Variants in SSBP2 observed in about 807,000 individuals in gnomAD.
SSBP2 encodes single stranded DNA binding protein 2, also known as single-stranded DNA-binding protein 2.
Under a neutral mutation model 61.8 loss-of-function variants are expected in SSBP2, and 17 were observed. That is an observed-to-expected ratio of 0.28 (90% CI 0.19 to 0.41). The LOEUF is 0.41. Among genes scored for constraint, SSBP2 ranks in the 10% least tolerant of loss-of-function variants. SSBP2 has a pLI of 1.00. For missense variants in SSBP2, 310 were observed against 458.7 expected, an observed-to-expected ratio of 0.68 and a Z score of 2.96; for synonymous variants, 139 against 141.3, an observed-to-expected ratio of 0.98 and a Z score of 0.12.
At chr5:81,718,604 A>T (rs1269557435) in intron 1 of SSBP2, among the ~76,000 whole-genome samples, 1 of 152,194 alleles carries the variant, frequency 6.6e-6, no homozygotes, top group Non-Finnish European at 1.5e-5. Flanking sequence ...TGAGGGCTTC[A>T]CCAGCTTCAC....
intron 1 of SSBP2, among the ~76,000 whole-genome samples, chr5:81,682,031 T>A (rs988813983): frequency 6.6e-6 from 1 of 152,214 alleles, no homozygotes; most frequent in Non-Finnish European, 1.5e-5. Context: ...ACCACCTGAA[T>A]AGGCCTATAC....
intron 1 of SSBP2, among the ~76,000 whole-genome samples, chr5:81,728,450 T>C (rs1561735454): frequency 6.6e-6 from 1 of 152,202 alleles, no homozygotes; most frequent in Admixed American, 6.5e-5. Flanking sequence ...TTGAAAACAT[T>C]GGTATAGAGA....
chr5:81,570,880 G>C (rs1193672398), intron 4 of SSBP2, among the ~76,000 whole-genome samples: 12 of 152,018 alleles, frequency 7.9e-5, no homozygotes, highest in Non-Finnish European at 1.5e-4. Context: ...GCAGTTCTTT[G>C]TAGCAAGTCC....
intron 4 of SSBP2, among the ~76,000 whole-genome samples, chr5:81,581,607 T>C (rs1171509470): frequency 6.6e-6 from 1 of 152,230 alleles, no homozygotes; most frequent in African/African-American, 2.4e-5. Flanking sequence ...TTGTAGCTCC[T>C]TATTGCCTAA....
chr5:81,727,886 A>G (rs1293863563), intron 1 of SSBP2, among the ~76,000 whole-genome samples: 4 of 152,182 alleles, frequency 2.6e-5, no homozygotes, highest in African/African-American at 9.7e-5. Context: ...AACAAGGTAC[A>G]GGGTGGAGAA....
At position 81,684,048 on chromosome 5, in the gene SSBP2, T is replaced by C. The variant is rs1383870963; in HGVS notation, c.63-33709A>G. 2.0e-5 allele frequency among the ~76,000 whole-genome samples: 3 copies of C among 152,214 alleles called. No individual in the cohort carries two copies. In the East Asian group the frequency reaches 5.8e-4, roughly 29 times the overall value. ...CTTTGGAGGACAATTTGGTAGCTTC[T>C]TACAAAGCTAAACACATTCTTAACA... On this transcript the variant is annotated intron_variant, in intron 1 of 16. Transcript: ENST00000320672.
At position 81,710,736 on chromosome 5, in the gene SSBP2, C is replaced by A. The variant is rs768616491; in HGVS notation, c.62+40245G>T. On this transcript the variant is annotated intron_variant, in intron 1 of 16. Transcript: ENST00000320672. Reference sequence around the variant, plus strand: ...GAGGGGATCACAAGCATCACCCTTACAAGAGTGAACTGGAATAAGGCACAG... The same window carrying A: ...GAGGGGATCACAAGCATCACCCTTAAAAGAGTGAACTGGAATAAGGCACAG... 49 of 452,212 alleles carry A rather than the reference C, an allele frequency of 1.1e-4. 2 individuals carry two copies. The highest frequency in any genetic ancestry group is 7.5e-4 in the South Asian group (48 of 63,668). 28.0% of individuals were successfully genotyped at this position (452,212 alleles called of 1,614,324 possible).
intron 2 of SSBP2, among the ~76,000 whole-genome samples, chr5:81,640,574 T>C (rs1748694114): frequency 6.6e-6 from 1 of 152,160 alleles, no homozygotes; most frequent in Non-Finnish European, 1.5e-5. Flanking sequence ...CGACATTTTA[T>C]ATTATCTTGG....
At chr5:81,439,551 C>T (rs1002796156) in intron 14 of SSBP2, among the ~76,000 whole-genome samples, 5 of 150,244 alleles carry the variant, frequency 3.3e-5, no homozygotes, top group African/African-American at 9.8e-5. Flanking sequence ...ACCCAGGCTG[C>T]AGTGCAATGG....
At chr5:81,591,810 C>G (rs1561576718) in intron 4 of SSBP2, among the ~76,000 whole-genome samples, 1 of 152,048 alleles carries the variant, frequency 6.6e-6, no homozygotes, top group South Asian at 2.1e-4. Context: ...AGCAAACAGC[C>G]TAACATAATA....
intron 1 of SSBP2, among the ~76,000 whole-genome samples, chr5:81,722,738 G>A (rs1278434105): frequency 2.0e-5 from 3 of 151,710 alleles, no homozygotes; most frequent in Non-Finnish European, 2.9e-5. Context: ...GTAAATGAAG[G>A]GCCTGGCATA....
chr5:81,615,295 C>T (rs1353638932), intron 4 of SSBP2, 178 bp downstream of exon 4: 13 of 606,250 alleles, frequency 2.1e-5, no homozygotes, highest in Non-Finnish European at 2.9e-5. Flanking sequence ...TTTAACAAGA[C>T]TCAAATGCCC....
At chr5:81,746,647 CAT>C (rs1757366550) in intron 1 of SSBP2, among the ~76,000 whole-genome samples, 2 of 152,010 alleles carry the variant, frequency 1.3e-5, no homozygotes, top group African/African-American at 4.8e-5. Context: ...TTGAAATAAG[CAT>C]ATGGTATTTG....
intron 4 of SSBP2, among the ~76,000 whole-genome samples, chr5:81,594,154 A>G (rs1454250327): frequency 6.6e-6 from 1 of 152,226 alleles, no homozygotes; most frequent in African/African-American, 2.4e-5. Context: ...AAGATCTACC[A>G]AGCAAATGGA....
intron 4 of SSBP2, among the ~76,000 whole-genome samples, chr5:81,598,298 C>T (rs1159955805): frequency 6.6e-6 from 1 of 152,014 alleles, no homozygotes; most frequent in East Asian, 1.9e-4. Flanking sequence ...ATTTGCCATA[C>T]AGAACACAAT....
At chr5:81,597,324 C>T (rs1438295007) in intron 4 of SSBP2, among the ~76,000 whole-genome samples, 3 of 152,118 alleles carry the variant, frequency 2.0e-5, no homozygotes, top group Non-Finnish European at 4.4e-5. Flanking sequence ...CATCTCACAC[C>T]AGTTAGAATG....
chr5:81,563,199 T>A (rs550108310), intron 4 of SSBP2, among the ~76,000 whole-genome samples: 1 of 152,190 alleles, frequency 6.6e-6, no homozygotes, highest in South Asian at 2.1e-4. Flanking sequence ...GAATAGAGAA[T>A]CCACACATAT....
intron 4 of SSBP2, among the ~76,000 whole-genome samples, chr5:81,600,226 A>C (rs190958775): frequency 2.6e-5 from 4 of 152,290 alleles, no homozygotes; most frequent in African/African-American, 7.2e-5. Context: ...AATGCATACA[A>C]CACCTAAAGC....
intron 2 of SSBP2, among the ~76,000 whole-genome samples, chr5:81,639,928 TAA>T (rs1461210335): frequency 3.3e-5 from 5 of 152,206 alleles, no homozygotes; most frequent in African/African-American, 7.2e-5. Flanking sequence ...TGAAAAAAGT[TAA>T]GTGTCATTAA....
Sources: allele counts gnomAD v4.1 joint callset (sites outside exome capture counted in the v4.1 genomes callset), GRCh38; gene constraint gnomAD v4.1.1; transcripts MANE v1.5; gene names NCBI Gene and HGNC (gene_info 2026-07-23, HGNC 2026-07-21).